The following WDR27 variants were observed in gnomAD, a reference collection of about 807,000 sequenced individuals.
The protein encoded by WDR27 is WD repeat domain 27.
Under a neutral mutation model 114.4 loss-of-function variants are expected in WDR27, and 100 were observed. The observed-to-expected ratio is 0.87, with a 90% CI of 0.74 to 1.03. WDR27 has a LOEUF of 1.03. WDR27 is among the 50% of genes least tolerant of loss of function. The probability of loss-of-function intolerance (pLI) is 0.00; values close to 1 mark genes in which losing one functional copy is unlikely to be tolerated. For missense variants in WDR27, 1,129 were observed against 1,092.9 expected (o/e 1.03, Z -0.47); for synonymous variants, 449 against 423.1 (o/e 1.06, Z -0.75).
chr6:169,478,702 A>T (rs534952661), intron 25 of WDR27, among the ~76,000 whole-genome samples: 1 of 152,328 alleles, frequency 6.6e-6, no homozygotes, highest in African/African-American at 2.4e-5. Context: ...AACAACAACA[A>T]CAATAAAACA....
At chr6:169,462,029 T>A (rs1278756003) in intron 25 of WDR27, among the ~76,000 whole-genome samples, 6 of 152,032 alleles carry the variant, frequency 3.9e-5, no homozygotes, top group Admixed American at 2.0e-4. Flanking sequence ...ACATATTGGA[T>A]ACCCTAGATA....
chr6:169,689,997 C>A (rs1210453102), intron 1 of WDR27, among the ~76,000 whole-genome samples: 1 of 151,944 alleles, frequency 6.6e-6, no homozygotes, highest in African/African-American at 2.4e-5. Flanking sequence ...ACCCGTGAGG[C>A]CCTCATGCTG....
At chr6:169,699,195 C>T (rs189163961) in intron 1 of WDR27, among the ~76,000 whole-genome samples, 2 of 152,192 alleles carry the variant, frequency 1.3e-5, no homozygotes, top group Non-Finnish European at 2.9e-5. Context: ...GGTGTGCAAG[C>T]GGAATGGACA....
At chr6:169,453,039 A>G (rs1425145418), downstream of WDR27, among the ~76,000 whole-genome samples, 1 of 152,344 alleles carries the variant, frequency 6.6e-6, no homozygotes, top group East Asian at 1.9e-4. Flanking sequence ...GAGTGGCTGC[A>G]AGGGCACGGC....
chr6:169,557,572 T>C (rs1233770146), intron 25 of WDR27, among the ~76,000 whole-genome samples: 2 of 152,246 alleles, frequency 1.3e-5, no homozygotes, highest in African/African-American at 2.4e-5. Context: ...CCAATACTTT[T>C]ATTTCTTTAT....
chr6:169,640,661 C>T (rs1043050189), intron 17 of WDR27, among the ~76,000 whole-genome samples: 1 of 152,382 alleles, frequency 6.6e-6, no homozygotes, highest in South Asian at 2.1e-4. Context: ...TTCACAGACA[C>T]CTGCTGCAGG....
chr6:169,620,723 C>T (rs1812916442), intron 21 of WDR27, among the ~76,000 whole-genome samples: 1 of 152,206 alleles, frequency 6.6e-6, no homozygotes, highest in Non-Finnish European at 1.5e-5. Flanking sequence ...GTCATGGGTG[C>T]ATCCTTAACC....
chr6:169,549,089 G>T (rs1437789081), intron 25 of WDR27, among the ~76,000 whole-genome samples: 1 of 152,156 alleles, frequency 6.6e-6, no homozygotes, highest in Non-Finnish European at 1.5e-5. Context: ...CTCTGAAATG[G>T]ATAATGTCAA....
At chr6:169,583,028 G>T in intron 23 of WDR27, 94 bp from the exon 24 acceptor site, 1 of 1,057,576 alleles carries the variant, frequency 9.5e-7, no homozygotes, top group Non-Finnish European at 1.4e-6. Flanking sequence ...ATAGATTAGT[G>T]TAGTTGATCA....
At chr6:169,437,543 T>C in the WDR27 span, among the ~76,000 whole-genome samples, 1 of 152,156 alleles carries the variant, frequency 6.6e-6, no homozygotes, top group South Asian at 2.1e-4. Flanking sequence ...AAGGTAGAAT[T>C]TTCCTTTTGA....
chr6:169,437,075 TA>T, the WDR27 span, among the ~76,000 whole-genome samples: 22 of 152,208 alleles, frequency 1.4e-4, no homozygotes, highest in Admixed American at 1.2e-3. Flanking sequence ...GTCTCAAAGA[TA>T]GGGGGAAGAA....
intron 7 of WDR27, chr6:169,665,069 G>A (rs1827425539): frequency 3.1e-5 from 3 of 97,008 alleles, no homozygotes; most frequent in Non-Finnish European, 6.4e-5. Flanking sequence ...GCCGTCCAGG[G>A]CGCCTCTCCG....
intron 23 of WDR27, among the ~76,000 whole-genome samples, chr6:169,599,708 C>A (rs1480936997): frequency 6.6e-6 from 1 of 152,106 alleles, no homozygotes; most frequent in South Asian, 2.1e-4. Flanking sequence ...TTTCAAAAAA[C>A]CGGCTCCTGG....
intron 22 of WDR27, among the ~76,000 whole-genome samples, chr6:169,613,209 C>T (rs780137690): frequency 9.9e-5 from 15 of 152,110 alleles, no homozygotes; most frequent in Non-Finnish European, 1.6e-4. Context: ...CGGGGGTGCT[C>T]GGTGCCTAGT....
At chr6:169,573,253 A>G (rs11758131) in intron 24 of WDR27, among the ~76,000 whole-genome samples, 69,429 of 152,150 alleles carry the variant, frequency 0.46, 19,815 homozygotes, top group Non-Finnish European at 0.65. Flanking sequence ...ATAGCTGGAA[A>G]GACCAAAGCA....
intron 25 of WDR27, among the ~76,000 whole-genome samples, chr6:169,512,163 G>C (rs1316740701): frequency 1.3e-5 from 2 of 152,080 alleles, no homozygotes; most frequent in Non-Finnish European, 2.9e-5. Flanking sequence ...CCTACAAATT[G>C]TAATAGCTTG....
chr6:169,651,185 G>T (rs191615583), intron 14 of WDR27, among the ~76,000 whole-genome samples: 4 of 107,638 alleles, frequency 3.7e-5, no homozygotes, highest in African/African-American at 1.7e-4. Flanking sequence ...GTGCGGGGCG[G>T]GGGGGGGGAG....
intron 25 of WDR27, among the ~76,000 whole-genome samples, chr6:169,534,972 C>CA (rs34844549): frequency 0.46 from 68,161 of 147,352 alleles, 18,485 homozygotes; most frequent in Non-Finnish European, 0.63. Flanking sequence ...TATAATTTTA[C>CA]AAAAAAAAAA....
intron 25 of WDR27, among the ~76,000 whole-genome samples, chr6:169,458,744 G>A (rs1455740361): frequency 6.6e-6 from 1 of 150,610 alleles, no homozygotes; most frequent in African/African-American, 2.5e-5. Flanking sequence ...CCAAGATCAT[G>A]CCACTGCCCT....
Sources: gnomAD v4.1 joint callset for allele counts (sites outside exome capture counted in the v4.1 genomes callset) on GRCh38, gnomAD v4.1.1 for gene constraint, MANE v1.5 for transcripts, NCBI Gene and HGNC (gene_info 2026-07-23, HGNC 2026-07-21) for gene names.